Variants in GRM1 observed in about 807,000 individuals in gnomAD.
GRM1 encodes the protein metabotropic glutamate receptor 1.
Under a neutral mutation model 90.9 loss-of-function variants are expected in GRM1, and 33 were observed. The ratio of observed to expected loss-of-function variants is 0.36; its 90% CI spans 0.28 to 0.49. GRM1 has a LOEUF of 0.49. Ranked by LOEUF, GRM1 falls within the 20% of genes least tolerant of loss-of-function variation. The pLI is 0.99. For synonymous variants in GRM1, 700 were observed against 613.2 expected (o/e 1.14, Z -2.09); for missense variants, 1,190 against 1,534.3 (o/e 0.78, Z 3.75).
At chr6:146,234,899 C>T (rs979127180) in intron 2 of GRM1, among the ~76,000 whole-genome samples, 12 of 151,990 alleles carry the variant, frequency 7.9e-5, no homozygotes, top group Admixed American at 3.9e-4. Flanking sequence ...TGGGCCACCA[C>T]GCCGGACTAA....
intron 2 of GRM1, among the ~76,000 whole-genome samples, chr6:146,295,205 G>A (rs114572640): frequency 6.5e-4 from 98 of 151,910 alleles, no homozygotes; most frequent in African/African-American, 2.2e-3. Flanking sequence ...TCTGAGAATA[G>A]TATCATCTAT....
chr6:146,147,398 C>T lies in GRM1; in HGVS notation c.701-11950C>T, dbSNP rs181084303. On this transcript the variant is annotated intron_variant, in intron 1 of 7. Transcript: ENST00000282753. ...ATGGAGAGAATTATGACAAATAAGG[C>T]GACGAAGTTGTGGTAAAGATGAAAG... 3.3e-5 allele frequency among the ~76,000 whole-genome samples: 5 copies of T among 152,124 alleles called. No homozygotes were observed. The South Asian group carries it at 6.2e-4, about 19-fold the overall frequency.
At chr6:146,142,788 GC>G (rs1397680015) in intron 1 of GRM1, among the ~76,000 whole-genome samples, 1 of 152,096 alleles carries the variant, frequency 6.6e-6, no homozygotes, top group African/African-American at 2.4e-5. Context: ...CCCTTTCAGG[GC>G]AGTGGGCTCT....
intron 1 of GRM1, among the ~76,000 whole-genome samples, chr6:146,090,368 G>A (rs776167239): frequency 2.6e-5 from 4 of 152,010 alleles, no homozygotes; most frequent in Admixed American, 6.6e-5. Context: ...TTACCTATTC[G>A]TGGTATGAGA....
chr6:146,131,549 A>G (rs1448737109), intron 1 of GRM1, among the ~76,000 whole-genome samples: 1 of 151,848 alleles, frequency 6.6e-6, no homozygotes, highest in Admixed American at 6.6e-5. Context: ...ACACATACAC[A>G]CTGCCACTTG....
chr6:146,070,683 A>G (rs1775990885), intron 1 of GRM1, among the ~76,000 whole-genome samples: 1 of 152,184 alleles, frequency 6.6e-6, no homozygotes, highest in South Asian at 2.1e-4. Flanking sequence ...GAGGTAGCAA[A>G]ACCAGACTTA....
At chr6:146,068,409 G>A (rs907894900) in intron 1 of GRM1, among the ~76,000 whole-genome samples, 1 of 152,106 alleles carries the variant, frequency 6.6e-6, no homozygotes, top group East Asian at 1.9e-4. Flanking sequence ...CACCGCGCCC[G>A]GCCTCAAATA....
Position 146,357,533 on chromosome 6 carries a change from A to G in GRM1, c.1441A>G (p.Ile481Val). ...EKGDAPGRYD[I>V]MNLQYTEANR... ...ACATTGTGCTCTTTGTAGGTATGAT[A>G]TCATGAATCTGCAGTACACTGAAGC... The change falls in exon 5 of 8, where the codon ATC (isoleucine) becomes GTC (valine). Residue 481 changes from isoleucine to valine, a missense_variant. Physicochemically the swap from Ile to Val is conservative, Grantham distance 29. This residue lies in a region of GRM1 where 414 missense variants were observed against 598.4 expected (regional missense o/e 0.69). Coordinates refer to ENST00000282753, the MANE Select transcript of GRM1 (RefSeq NM_001278064.2). 6.2e-7 allele frequency: 1 copy of G among 1,612,380 alleles called. No homozygotes were observed. Among genetic ancestry groups the G allele is most frequent in the Non-Finnish European group, 8.5e-7 (1 of 1,178,376 alleles).
intron 2 of GRM1, among the ~76,000 whole-genome samples, chr6:146,214,204 T>C (rs1350683971): frequency 1.3e-5 from 2 of 152,162 alleles, no homozygotes; most frequent in East Asian, 3.9e-4. Context: ...TCCAGTCAAA[T>C]TGACACCTAA....
Position 146,242,217 on chromosome 6 carries a change from C to A in GRM1, c.951-62394C>A, listed in dbSNP as rs118155881. On this transcript the variant is annotated intron_variant, in intron 2 of 7. Transcript: ENST00000282753. ...TGACTACCATGTGTCTAGAGCTTTGCCAGATTGTTTACATATATGAGCTCT... is the reference window on the plus strand; with the variant it reads ...TGACTACCATGTGTCTAGAGCTTTGACAGATTGTTTACATATATGAGCTCT... 1.9e-3 allele frequency among the ~76,000 whole-genome samples: 292 copies of A among 152,182 alleles called. 1 individual carries two copies. Among genetic ancestry groups the A allele is most frequent in the Non-Finnish European group, 3.4e-3 (229 of 67,982 alleles).
intron 1 of GRM1, among the ~76,000 whole-genome samples, chr6:146,123,520 G>A (rs879447105): frequency 6.6e-5 from 10 of 152,278 alleles, no homozygotes; most frequent in Non-Finnish European, 1.0e-4. Context: ...ACATCTGTAC[G>A]TTTTCTATGG....
chr6:146,316,059 A>C (rs1783954165), intron 3 of GRM1, among the ~76,000 whole-genome samples: 1 of 152,180 alleles, frequency 6.6e-6, no homozygotes, highest in Non-Finnish European at 1.5e-5. Context: ...GTAGGTTAGA[A>C]GCCTATGACG....
chr6:146,201,339 G>C (rs1359208160), intron 2 of GRM1, among the ~76,000 whole-genome samples: 1 of 152,148 alleles, frequency 6.6e-6, no homozygotes, highest in African/African-American at 2.4e-5. Context: ...AATGTTCAAG[G>C]ATTCTGTTTC....
intron 1 of GRM1, among the ~76,000 whole-genome samples, chr6:146,059,859 A>G (rs1238777300): frequency 6.6e-6 from 1 of 152,156 alleles, no homozygotes; most frequent in Non-Finnish European, 1.5e-5. Context: ...TTTCTGCAGA[A>G]TCTTTCTTAC....
Position 146,217,515 on chromosome 6 carries a change from T to C in GRM1, c.950+57918T>C, listed in dbSNP as rs894835199. Among the ~76,000 whole-genome samples the C allele has an allele frequency of 6.6e-5, 10 of 152,188 alleles. 1 individual carries two copies. The highest frequency in any genetic ancestry group is 1.4e-4 in the African/African-American group (6 of 41,430). On this transcript the variant is annotated intron_variant, in intron 2 of 7. Coordinates refer to ENST00000282753, the MANE Select transcript of GRM1 (RefSeq NM_001278064.2). ...TAACAACACAGCCTGTCTTGAAAGG[T>C]CTCTAATATTATTATGCTCTCATAA...
intron 2 of GRM1, among the ~76,000 whole-genome samples, chr6:146,292,089 G>A (rs898287791): frequency 1.3e-5 from 2 of 152,036 alleles, no homozygotes; most frequent in Non-Finnish European, 2.9e-5. Context: ...TGAGAGGACT[G>A]GATATCTGTA....
At chr6:146,196,636 A>T (rs1230129167) in intron 2 of GRM1, among the ~76,000 whole-genome samples, 8 of 151,900 alleles carry the variant, frequency 5.3e-5, no homozygotes, top group Non-Finnish European at 5.9e-5. Context: ...GATCCCTTTA[A>T]GGGGACCCAT....
chr6:146,325,723 A>C (rs1189951443), intron 3 of GRM1, among the ~76,000 whole-genome samples: 1 of 152,216 alleles, frequency 6.6e-6, no homozygotes, highest in African/African-American at 2.4e-5. Flanking sequence ...TCCTTAAATT[A>C]ATCTGTGAAG....
At chr6:146,125,496 C>G (rs1389186908) in intron 1 of GRM1, among the ~76,000 whole-genome samples, 1 of 151,072 alleles carries the variant, frequency 6.6e-6, no homozygotes, top group East Asian at 2.0e-4. Context: ...CCTTTTCCAC[C>G]CTTGTGTACT....
Sources: allele counts gnomAD v4.1 joint callset (sites outside exome capture counted in the v4.1 genomes callset), GRCh38; gene constraint gnomAD v4.1.1; regional missense constraint gnomAD v4.1.1; transcripts MANE v1.5; gene names NCBI Gene and HGNC (gene_info 2026-07-23, HGNC 2026-07-21).